The following CDK13 variants were observed in gnomAD, a reference collection of about 807,000 sequenced individuals.
CDK13 encodes the protein cyclin-dependent kinase 13.
A neutral mutation model predicts 137.6 loss-of-function variants in CDK13; 40 were observed. That is an observed-to-expected ratio of 0.29 (90% confidence interval 0.23 to 0.38). The LOEUF (loss-of-function observed/expected upper bound fraction) is 0.38. Ranked by LOEUF, CDK13 falls within the 10% of genes least tolerant of loss-of-function variation. CDK13 has a pLI of 1.00. For missense variants in CDK13, 1,704 were observed against 1,951.8 expected (o/e 0.87, Z 2.39); for synonymous variants, 869 against 760.1 (o/e 1.14, Z -2.36).
At position 39,997,589 on chromosome 7, in the gene CDK13, C is replaced by T; in HGVS notation, c.1967C>T (p.Pro656Leu). 1 of 1,612,002 alleles carries T rather than the reference C, an allele frequency of 6.2e-7. No homozygotes were observed. Among genetic ancestry groups the T allele is most frequent in the Non-Finnish European group, 8.5e-7 (1 of 1,179,374 alleles). ...GATTTACCGCTGCCCCCTGAGCTAC[C>T]AGGAGGAGATGATCTTTCAAAGAGT... The part of the protein sequence containing the change: ...LADLPLPPEL[P>L]GGDDLSKSPE... Residue 656 changes from proline (P) to leucine (L), a missense_variant, in exon 3 of 14, where the codon CCA (proline) becomes CTA (leucine). Physicochemically the swap from Pro to Leu is moderately conservative, Grantham distance 98. Around this residue, in one of 5 missense-constraint regions of CDK13, gnomAD observed 1,051 missense variants for 931.0 expected, o/e 1.13. Transcript: ENST00000181839.
intron 5 of CDK13, among the ~76,000 whole-genome samples, chr7:40,030,776 G>C (rs1391419200): frequency 2.0e-5 from 3 of 151,890 alleles, no homozygotes; most frequent in African/African-American, 7.3e-5. Flanking sequence ...ACAATACGTA[G>C]ACTATTCAGA....
intron 9 of CDK13, chr7:40,070,647 G>A (rs1786400092): frequency 6.6e-6 from 1 of 152,358 alleles, no homozygotes; most frequent in Non-Finnish European, 1.5e-5. Flanking sequence ...GGAAGGTGGA[G>A]GCTGCAGTGA....
chr7:40,062,950 T>G (rs1181515617), intron 8 of CDK13, 23 bp downstream of exon 8: 1 of 1,604,674 alleles, frequency 6.2e-7, no homozygotes, highest in Admixed American at 1.7e-5. Context: ...TATTTACTGG[T>G]TTATTTTACT....
intron 9 of CDK13, among the ~76,000 whole-genome samples, chr7:40,073,935 G>C (rs904909653): frequency 1.4e-5 from 2 of 138,990 alleles, no homozygotes; most frequent in South Asian, 4.5e-4. Context: ...AAGTCTTGCT[G>C]TCTGTCATCC....
At chr7:40,034,909 T>C (rs1785449927) in intron 5 of CDK13, among the ~76,000 whole-genome samples, 1 of 152,220 alleles carries the variant, frequency 6.6e-6, no homozygotes, top group Non-Finnish European at 1.5e-5. Flanking sequence ...CTCTGGATTC[T>C]TTATTTGTGG....
chr7:40,065,448 A>T (rs960589046), intron 9 of CDK13, among the ~76,000 whole-genome samples: 7 of 152,124 alleles, frequency 4.6e-5, no homozygotes, highest in African/African-American at 1.4e-4. Context: ...AGTAACACTA[A>T]TGATAGCTGA....
chr7:40,091,561 CCT>C (rs1416804852), intron 12 of CDK13, among the ~76,000 whole-genome samples: 1 of 151,816 alleles, frequency 6.6e-6, no homozygotes, highest in Admixed American at 6.6e-5. Context: ...AAGGATGAAT[CCT>C]CTGAGTCATT....
chr7:40,078,695 A>G (rs760280378), intron 10 of CDK13, 25 bp from the exon 11 acceptor site: 17 of 1,419,278 alleles, frequency 1.2e-5, no homozygotes, highest in East Asian at 2.7e-5. Context: ...GAACACATCT[A>G]ACTTTTGTAA....
intron 7 of CDK13, among the ~76,000 whole-genome samples, chr7:40,060,431 T>G (rs1786116228): frequency 1.3e-5 from 2 of 152,186 alleles, no homozygotes; most frequent in Admixed American, 1.3e-4. Context: ...TTGATGTGTT[T>G]GAGAAACTAG....
intron 5 of CDK13, among the ~76,000 whole-genome samples, chr7:40,011,564 TGG>T (rs1403935760): frequency 4.6e-5 from 7 of 152,338 alleles, no homozygotes; most frequent in Admixed American, 3.9e-4. Context: ...CAACTGGTGC[TGG>T]GATAACTGGA....
intron 2 of CDK13, among the ~76,000 whole-genome samples, chr7:39,992,258 C>T (rs901008276): frequency 3.3e-5 from 5 of 151,804 alleles, no homozygotes; most frequent in African/African-American, 4.8e-5. Context: ...AATGCAGTGG[C>T]GCCATCTAGG....
intron 2 of CDK13, among the ~76,000 whole-genome samples, chr7:39,993,303 A>G (rs1327240831): frequency 6.6e-6 from 1 of 151,944 alleles, no homozygotes; most frequent in Non-Finnish European, 1.5e-5. Flanking sequence ...ATGGATTTTT[A>G]TTTATTTTCT....
chr7:40,023,322 C>A (rs745838658), intron 5 of CDK13, among the ~76,000 whole-genome samples: 1 of 152,000 alleles, frequency 6.6e-6, no homozygotes, highest in Non-Finnish European at 1.5e-5. Context: ...ACCTTGTCCT[C>A]CCAAAGTGTT....
intron 5 of CDK13, among the ~76,000 whole-genome samples, chr7:40,007,765 A>G (rs1784822754): frequency 6.6e-6 from 1 of 152,168 alleles, no homozygotes; most frequent in Non-Finnish European, 1.5e-5. Flanking sequence ...ATGTTTTCAT[A>G]TCTTATTCTT....
At chr7:40,078,143 A>G in intron 10 of CDK13, 22 bp downstream of exon 10, 2 of 1,110,290 alleles carry the variant, frequency 1.8e-6, no homozygotes, top group Non-Finnish European at 2.7e-6. Flanking sequence ...ATGTGTAAAC[A>G]TCCTTATTGC....
At chr7:40,003,870 C>T (rs1205985059) in intron 5 of CDK13, among the ~76,000 whole-genome samples, 2 of 152,220 alleles carry the variant, frequency 1.3e-5, no homozygotes, top group Non-Finnish European at 2.9e-5. Context: ...CCTGAGGTCT[C>T]AGCCTGAATG....
intron 1 of CDK13, among the ~76,000 whole-genome samples, chr7:39,965,769 C>G (rs1783857566): frequency 6.6e-6 from 1 of 152,140 alleles, no homozygotes; most frequent in African/African-American, 2.4e-5. Context: ...TTGTTCCTTT[C>G]CATGTTTAGT....
chr7:39,963,434 T>C (rs943386058), intron 1 of CDK13, among the ~76,000 whole-genome samples: 29 of 152,094 alleles, frequency 1.9e-4, no homozygotes, highest in African/African-American at 6.0e-4. Context: ...TTGTCTGTTA[T>C]TGGTGTATAA....
intron 11 of CDK13, among the ~76,000 whole-genome samples, chr7:40,087,093 G>A (rs1161218390): frequency 6.6e-6 from 1 of 151,954 alleles, no homozygotes; most frequent in Non-Finnish European, 1.5e-5. Flanking sequence ...ATGAGCTGCT[G>A]CGCCTGGCCC....
Sources: gnomAD v4.1 joint callset for allele counts (sites outside exome capture counted in the v4.1 genomes callset) on GRCh38, gnomAD v4.1.1 for gene constraint, gnomAD v4.1.1 regional missense constraint, MANE v1.5 for transcripts, NCBI Gene and HGNC (gene_info 2026-07-23, HGNC 2026-07-21) for gene names.